Variants in CPXM2 observed in about 807,000 individuals in gnomAD.
CPXM2 encodes the protein inactive carboxypeptidase-like protein X2.
A neutral mutation model predicts 86.1 loss-of-function variants in CPXM2; 66 were observed. The ratio of observed to expected loss-of-function variants is 0.77; its 90% confidence interval spans 0.63 to 0.94. The LOEUF is 0.94. CPXM2 is among the 40% of genes least tolerant of loss of function. The probability of loss-of-function intolerance (pLI) is 0.00; values close to 1 mark genes in which losing one functional copy is unlikely to be tolerated. For missense variants in CPXM2, 948 were observed against 1,026.3 expected (o/e 0.92, Z 1.04); for synonymous variants, 388 against 400.2 (o/e 0.97, Z 0.36).
Position 123,921,834 on chromosome 10 carries a change from C to T in CPXM2, n.174+17643G>A, listed in dbSNP as rs1424851505. Among the ~76,000 whole-genome samples the T allele has an allele frequency of 2.6e-5, 4 of 152,220 alleles. No individual in the cohort carries two copies. The South Asian group carries it at 6.2e-4, about 24-fold the overall frequency. ...ATAAAGGTTTGCAATTCCCTGGCAACATCCAACTTTGAGGAGGAAAGATCC... is the reference window on the plus strand; with the variant it reads ...ATAAAGGTTTGCAATTCCCTGGCAATATCCAACTTTGAGGAGGAAAGATCC... On this transcript the variant is annotated intron_variant and non_coding_transcript_variant, in intron 2 of 19. Transcript: ENST00000368854.
At chr10:123,860,959 G>A (rs752154231) in intron 3 of CPXM2, among the ~76,000 whole-genome samples, 22 of 152,212 alleles carry the variant, frequency 1.4e-4, no homozygotes, top group Non-Finnish European at 2.8e-4. Flanking sequence ...AGTGGCGGAG[G>A]TTAAGCAGTT....
intron 2 of CPXM2, among the ~76,000 whole-genome samples, chr10:123,937,394 AC>A (rs1382303072): frequency 6.7e-6 from 1 of 149,910 alleles, no homozygotes; most frequent in Non-Finnish European, 1.5e-5. Flanking sequence ...CAACCTCAGG[AC>A]CCCCCACCCC....
intron 2 of CPXM2, among the ~76,000 whole-genome samples, chr10:123,908,746 C>G (rs989570191): frequency 3.3e-5 from 5 of 152,158 alleles, no homozygotes; most frequent in African/African-American, 1.2e-4. Context: ...CAGCTTTAAA[C>G]AGCCATGAGG....
intron 3 of CPXM2, 28 bp from the exon 4 acceptor site, chr10:123,842,516 A>T (rs775090330): frequency 6.2e-7 from 1 of 1,610,578 alleles, no homozygotes; most frequent in South Asian, 1.1e-5. Flanking sequence ...GGTGTTCTTC[A>T]AAAAGACTCT....
At chr10:123,898,293 T>TA (rs1008412738) in intron 2 of CPXM2, among the ~76,000 whole-genome samples, 1 of 152,076 alleles carries the variant, frequency 6.6e-6, no homozygotes, top group Non-Finnish European at 1.5e-5. Context: ...CAATCTTTAT[T>TA]AAAAAAAATT....
intron 4 of CPXM2, among the ~76,000 whole-genome samples, chr10:123,838,639 G>T (rs190297218): frequency 6.6e-6 from 1 of 152,058 alleles, no homozygotes; most frequent in Admixed American, 6.6e-5. Context: ...CTCCCTTTCC[G>T]TTTCTAAAAC....
chr10:123,831,494 G>A (rs1309459410), intron 4 of CPXM2, among the ~76,000 whole-genome samples: 1 of 152,134 alleles, frequency 6.6e-6, no homozygotes, highest in African/African-American at 2.4e-5. Context: ...GCCTTTTGTG[G>A]GCACCATTAA....
chr10:123,928,105 T>A lies in CPXM2; in HGVS notation n.174+11372A>T, dbSNP rs2134284257. On this transcript the variant is annotated intron_variant and non_coding_transcript_variant, in intron 2 of 19. Transcript: ENST00000368854. Reference sequence around the variant, plus strand: ...TCCCCTCCACCACCATGTACTCCTATCAGCCTGCCTTCTGCGAGACCTTCA... The same window carrying A: ...TCCCCTCCACCACCATGTACTCCTAACAGCCTGCCTTCTGCGAGACCTTCA... 2.0e-5 allele frequency among the ~76,000 whole-genome samples: 3 copies of A among 152,314 alleles called. No individual in the cohort carries two copies. The South Asian group carries it at 6.2e-4, about 32-fold the overall frequency.
At chr10:123,799,059 G>A in intron 5 of CPXM2, 56 bp downstream of exon 5, 1 of 1,599,834 alleles carries the variant, frequency 6.3e-7, no homozygotes. Flanking sequence ...GCCTCTCTTT[G>A]CAAAACCCCA....
intron 12 of CPXM2, among the ~76,000 whole-genome samples, chr10:123,756,329 A>G (rs1250339193): frequency 2.0e-5 from 3 of 152,108 alleles, no homozygotes; most frequent in Admixed American, 1.3e-4. Context: ...TGGGGCCCGG[A>G]TACTGTTTGG....
At chr10:123,892,910 G>GC (rs1187061267), upstream of CPXM2, among the ~76,000 whole-genome samples, 4 of 152,172 alleles carry the variant, frequency 2.6e-5, no homozygotes, top group Non-Finnish European at 5.9e-5. Context: ...TCGCACGTGG[G>GC]CCCGGCATCT....
At chr10:123,749,489 T>G (rs1406425527) in intron 13 of CPXM2, among the ~76,000 whole-genome samples, 1 of 152,222 alleles carries the variant, frequency 6.6e-6, no homozygotes, top group African/African-American at 2.4e-5. Context: ...GCTGGCCTTC[T>G]CATACACATC....
intron 6 of CPXM2, 89 bp from the exon 7 acceptor site, chr10:123,780,344 A>C: frequency 2.3e-6 from 2 of 856,356 alleles, no homozygotes; most frequent in Non-Finnish European, 3.9e-6. Flanking sequence ...CTGCACGGAC[A>C]GTGCAGCCCA....
chr10:123,844,907 T>TA (rs1259784531), intron 3 of CPXM2, among the ~76,000 whole-genome samples: 2 of 151,394 alleles, frequency 1.3e-5, no homozygotes, highest in East Asian at 3.9e-4. Context: ...AAATGTGTAT[T>TA]AAAAAAACAA....
At chr10:123,882,955 G>A (rs568831448) in intron 1 of CPXM2, among the ~76,000 whole-genome samples, 4 of 149,582 alleles carry the variant, frequency 2.7e-5, no homozygotes, top group East Asian at 2.0e-4. Context: ...CACCAACCCC[G>A]CAACCATAAT....
intron 10 of CPXM2, among the ~76,000 whole-genome samples, chr10:123,763,652 T>C (rs985637607): frequency 1.3e-5 from 2 of 152,170 alleles, no homozygotes; most frequent in Non-Finnish European, 2.9e-5. Flanking sequence ...ATTCATCCTA[T>C]TGTTGAATAA....
chr10:123,916,516 G>A (rs111336318), intron 2 of CPXM2, among the ~76,000 whole-genome samples: 8 of 152,180 alleles, frequency 5.3e-5, no homozygotes, highest in African/African-American at 1.2e-4. Context: ...TTGACCAGTC[G>A]TCTCTGACTG....
Position 123,754,620 on chromosome 10 carries a change from G to T in CPXM2, c.2017+43C>A. The T allele has an allele frequency of 3.9e-6, 4 of 1,034,938 alleles. No individual in the cohort carries two copies. Among genetic ancestry groups the T allele is most frequent in the Non-Finnish European group, 6.1e-6 (4 of 654,430 alleles). The allele number at this position is 1,034,938 out of a possible 1,614,324, so 64.1% of individuals were successfully genotyped here. A position where few individuals can be genotyped will look rare whatever the true frequency, so the allele number is the denominator to read the frequency against. On this transcript the variant is annotated intron_variant, in intron 13 of 13. Transcript: ENST00000241305. This position sits in a 1 kb window ranked among gnomAD's most constrained non-coding sequence, Gnocchi z 4.0. ...CCCAAGTAAAATGCCTAAAAAAATG[G>T]GTATTTCTTACCAAGAGACAGTCTG...
intron 3 of CPXM2, among the ~76,000 whole-genome samples, chr10:123,847,355 T>C (rs916115390): frequency 3.3e-5 from 5 of 152,168 alleles, no homozygotes; most frequent in African/African-American, 2.4e-5. Context: ...TGAAACCTTG[T>C]CTCTACCAAA....
Sources: allele counts gnomAD v4.1 joint callset (sites outside exome capture counted in the v4.1 genomes callset), GRCh38; gene constraint gnomAD v4.1.1; non-coding constraint Gnocchi (gnomAD v3.1); transcripts MANE v1.5; gene names NCBI Gene and HGNC (gene_info 2026-07-23, HGNC 2026-07-21).